ASIC2: variants seen among roughly 807,000 people sequenced by gnomAD.
ASIC2 encodes the protein acid-sensing ion channel 2.
A neutral mutation model predicts 57.3 loss-of-function variants in ASIC2; 25 were observed. The observed-to-expected ratio is 0.44, with a 90% CI of 0.32 to 0.61. ASIC2 has a LOEUF of 0.61. Ranked by LOEUF, ASIC2 falls within the 20% of genes least tolerant of loss-of-function variation. The pLI is 0.06. For synonymous variants in ASIC2, 319 were observed against 307.5 expected, an observed-to-expected ratio of 1.04 and a Z score of -0.39; for missense variants, 641 against 738.1, an observed-to-expected ratio of 0.87 and a Z score of 1.52.
At chr17:33,059,875 C>T (rs1405230436) in intron 3 of ASIC2, among the ~76,000 whole-genome samples, 4 of 152,186 alleles carry the variant, frequency 2.6e-5, no homozygotes, top group Non-Finnish European at 5.9e-5. Context: ...GATGATATCT[C>T]GTTGTGGTTT....
intron 1 of ASIC2, among the ~76,000 whole-genome samples, chr17:33,613,514 G>A (rs1312674288): frequency 6.6e-5 from 10 of 151,414 alleles, no homozygotes; most frequent in East Asian, 5.9e-4. Context: ...ACAGGCACCC[G>A]CCACCACGCC....
chr17:33,443,585 T>C (rs934966275), intron 1 of ASIC2, among the ~76,000 whole-genome samples: 32 of 149,586 alleles, frequency 2.1e-4, no homozygotes, highest in African/African-American at 7.6e-4. Flanking sequence ...GGCTAATTTT[T>C]TTTTGTATTT....
chr17:33,733,107 A>C (rs999257453), intron 1 of ASIC2, among the ~76,000 whole-genome samples: 1 of 147,184 alleles, frequency 6.8e-6, no homozygotes, highest in African/African-American at 2.7e-5. Context: ...AAAAACTTTA[A>C]TTTGTTTATT....
chr17:33,361,400 T>G (rs540021086), intron 1 of ASIC2, among the ~76,000 whole-genome samples: 1 of 152,074 alleles, frequency 6.6e-6, no homozygotes, highest in Non-Finnish European at 1.5e-5. Context: ...TGGTGAGAGG[T>G]GGAGCTGTGG....
intron 1 of ASIC2, among the ~76,000 whole-genome samples, chr17:33,740,039 AC>A: frequency 6.6e-6 from 1 of 152,102 alleles, no homozygotes; most frequent in Non-Finnish European, 1.5e-5. Context: ...AAAAAAAAGA[AC>A]AGAGGGAGAG....
At chr17:34,028,613 G>GC (rs1472308928) in intron 1 of ASIC2, among the ~76,000 whole-genome samples, 1 of 152,150 alleles carries the variant, frequency 6.6e-6, no homozygotes, top group Admixed American at 6.5e-5. Context: ...TTCACCAGCA[G>GC]CCATTCACCA....
In ASIC2 at chr17:33,835,281, C is replaced by T. The variant is rs190751256; in HGVS notation, c.555+320697G>A. On this transcript the variant is annotated intron_variant, in intron 1 of 9. Transcript: ENST00000359872. ...TAAAGGCAGTTAATTGCAATGCAAA[C>T]CTCTTCCAACTTTTAGTCAAATCTG... 3.4e-4 allele frequency among the ~76,000 whole-genome samples: 52 copies of T among 152,310 alleles called. No homozygotes were observed. In the East Asian group the frequency reaches 4.2e-3, roughly 12 times the overall value.
chr17:33,254,953 T>G (rs1284323288), intron 1 of ASIC2, among the ~76,000 whole-genome samples: 1 of 152,136 alleles, frequency 6.6e-6, no homozygotes, highest in Non-Finnish European at 1.5e-5. Context: ...TTTTCTTCTT[T>G]TATGTTTACA....
At chr17:33,435,342 G>A (rs1597727128) in intron 1 of ASIC2, among the ~76,000 whole-genome samples, 1 of 152,216 alleles carries the variant, frequency 6.6e-6, no homozygotes, top group East Asian at 1.9e-4. Context: ...TCTTGTCATA[G>A]TAAATAGCAA....
At chr17:33,368,278 G>T (rs1002174116) in intron 1 of ASIC2, among the ~76,000 whole-genome samples, 3 of 152,312 alleles carry the variant, frequency 2.0e-5, no homozygotes, top group Admixed American at 6.5e-5. Flanking sequence ...CTACCCTAAA[G>T]CTGCCATGTT....
At chr17:33,359,439 A>T (rs376445425) in intron 1 of ASIC2, among the ~76,000 whole-genome samples, 1 of 152,190 alleles carries the variant, frequency 6.6e-6, no homozygotes, top group African/African-American at 2.4e-5. Flanking sequence ...CCATGGTATG[A>T]GGCCACCACT....
intron 1 of ASIC2, among the ~76,000 whole-genome samples, chr17:33,916,781 A>C (rs1484880451): frequency 6.6e-6 from 1 of 152,226 alleles, no homozygotes; most frequent in African/African-American, 2.4e-5. Context: ...AGTGAAAGTC[A>C]AGAGGGGAAG....
chr17:33,738,358 T>C (rs1252443529), intron 1 of ASIC2, among the ~76,000 whole-genome samples: 1 of 152,138 alleles, frequency 6.6e-6, no homozygotes, highest in African/African-American at 2.4e-5. Flanking sequence ...ACCTTCAGGA[T>C]CCCCTTTTAT....
chr17:33,442,177 T>C (rs1275439270), intron 1 of ASIC2, among the ~76,000 whole-genome samples: 2 of 152,352 alleles, frequency 1.3e-5, no homozygotes, highest in African/African-American at 2.4e-5. Context: ...TTGATTTCTG[T>C]GGATTTATAG....
chr17:33,209,116 C>G (rs754077475), intron 1 of ASIC2, among the ~76,000 whole-genome samples: 63 of 152,124 alleles, frequency 4.1e-4, no homozygotes, highest in African/African-American at 4.8e-5. Flanking sequence ...ACTCAAGCCT[C>G]GAAGCCCAGG....
chr17:33,864,174 T>C (rs947190622), intron 1 of ASIC2, among the ~76,000 whole-genome samples: 9 of 152,218 alleles, frequency 5.9e-5, no homozygotes, highest in African/African-American at 2.2e-4. Context: ...CCCAAAGTGC[T>C]GGGATTATAG....
At chr17:33,870,847 C>T (rs1914385517) in intron 1 of ASIC2, among the ~76,000 whole-genome samples, 1 of 152,146 alleles carries the variant, frequency 6.6e-6, no homozygotes, top group African/African-American at 2.4e-5. Flanking sequence ...AGAACAATGC[C>T]TGACATATGT....
intron 3 of ASIC2, among the ~76,000 whole-genome samples, chr17:33,083,166 C>T (rs529581004): frequency 6.6e-6 from 1 of 152,208 alleles, no homozygotes; most frequent in Non-Finnish European, 1.5e-5. Flanking sequence ...GTTGTACTTC[C>T]AACAACTCAC....
At chr17:33,155,275 G>C (rs1313654833) in intron 1 of ASIC2, among the ~76,000 whole-genome samples, 1 of 152,248 alleles carries the variant, frequency 6.6e-6, no homozygotes, top group Admixed American at 6.5e-5. Flanking sequence ...TGATTCAAGC[G>C]CCGGGTGGGC....
Sources: gnomAD v4.1 joint callset for allele counts (sites outside exome capture counted in the v4.1 genomes callset) on GRCh38, gnomAD v4.1.1 for gene constraint, MANE v1.5 for transcripts, NCBI Gene and HGNC (gene_info 2026-07-23, HGNC 2026-07-21) for gene names.